The following MRPL13 variants were observed in gnomAD, a reference collection of about 807,000 sequenced individuals.
The protein encoded by MRPL13 is large ribosomal subunit protein uL13m.
MRPL13 carries 33 observed loss-of-function variants against 29.0 expected under a neutral mutation model. The observed-to-expected ratio is 1.14, with a 90% CI of 0.86 to 1.52. The LOEUF (loss-of-function observed/expected upper bound fraction) is 1.52. MRPL13 is among the 40% of genes most tolerant of loss of function. The pLI is 0.00. For missense variants in MRPL13, 227 were observed against 216.7 expected, an observed-to-expected ratio of 1.05 and a Z score of -0.30; for synonymous variants, 77 against 68.4, an observed-to-expected ratio of 1.13 and a Z score of -0.62.
At chr8:120,441,067 G>A (rs982105887) in intron 2 of MRPL13, among the ~76,000 whole-genome samples, 1 of 151,966 alleles carries the variant, frequency 6.6e-6, no homozygotes, top group Non-Finnish European at 1.5e-5. Context: ...GTTGAACAAA[G>A]AGGAGTCACA....
intron 2 of MRPL13, among the ~76,000 whole-genome samples, chr8:120,433,693 C>T (rs1275419040): frequency 6.6e-6 from 1 of 152,028 alleles, no homozygotes; most frequent in Non-Finnish European, 1.5e-5. Context: ...TTCTAAGAAG[C>T]ATTTCTCTAC....
At chr8:120,403,165 T>A (rs1002268529) in intron 6 of MRPL13, among the ~76,000 whole-genome samples, 2 of 152,162 alleles carry the variant, frequency 1.3e-5, no homozygotes, top group Non-Finnish European at 2.9e-5. Context: ...CCCAAAGGAA[T>A]ATAAATCATT....
chr8:120,427,022 C>A (rs1014802822), intron 3 of MRPL13, among the ~76,000 whole-genome samples: 2 of 151,882 alleles, frequency 1.3e-5, no homozygotes. Context: ...TTATGAAAAT[C>A]TGAACAAGAA....
At chr8:120,413,928 C>A in intron 6 of MRPL13, 63 bp downstream of exon 6, 1 of 1,416,976 alleles carries the variant, frequency 7.1e-7, no homozygotes. Context: ...CTTATTTAAT[C>A]ATATGGTTGA....
intron 3 of MRPL13, among the ~76,000 whole-genome samples, chr8:120,426,805 G>A (rs1178212073): frequency 1.3e-5 from 2 of 152,102 alleles, no homozygotes; most frequent in African/African-American, 2.4e-5. Flanking sequence ...ACTTAAATGT[G>A]TATCATGCTG....
At chr8:120,407,877 T>C (rs1398632916) in intron 6 of MRPL13, among the ~76,000 whole-genome samples, 5 of 152,198 alleles carry the variant, frequency 3.3e-5, no homozygotes, top group African/African-American at 9.6e-5. Context: ...TAATGCTTAT[T>C]CTATGAAACA....
chr8:120,396,273 A>C, intron 6 of MRPL13, 148 bp from the exon 7 acceptor site: 1 of 627,886 alleles, frequency 1.6e-6, no homozygotes, highest in South Asian at 2.1e-5. Flanking sequence ...GTGAAAAAAA[A>C]ACATTAACAT....
At chr8:120,444,931 G>T (rs1000885108) in intron 1 of MRPL13, 137 bp downstream of exon 1, 3 of 1,083,084 alleles carry the variant, frequency 2.8e-6, no homozygotes, top group East Asian at 2.5e-5. Flanking sequence ...CGACCCTCTT[G>T]TGCTTTCCCA....
At chr8:120,433,054 A>C (rs559156189) in intron 2 of MRPL13, among the ~76,000 whole-genome samples, 1 of 152,246 alleles carries the variant, frequency 6.6e-6, no homozygotes, top group South Asian at 2.1e-4. Flanking sequence ...TTCATAGTCT[A>C]TATAGGATAA....
chr8:120,439,595 A>G (rs1261198680), intron 2 of MRPL13, among the ~76,000 whole-genome samples: 1 of 152,188 alleles, frequency 6.6e-6, no homozygotes, highest in Admixed American at 6.5e-5. Flanking sequence ...AGAACAGGCT[A>G]CTCACAAAAC....
At position 120,443,517 on chromosome 8, in the gene MRPL13, A is replaced by G. The variant is rs753851496; in HGVS notation, c.28-209T>C. Among the ~76,000 whole-genome samples, 157 of 152,134 alleles carry G rather than the reference A, an allele frequency of 1.0e-3. 2 individuals are homozygous for G. The highest frequency in any genetic ancestry group is 0.01 in the Admixed American group (155 of 15,270). ...GGTTGTTTTTTCTAATCATTCTGCA[A>G]AGACAAACACAGTAATTATTCCTTC... is the stretch of plus-strand genomic sequence containing the variant. On this transcript the variant is annotated intron_variant, in intron 1 of 6. Transcript: ENST00000306185.
chr8:120,413,513 T>C (rs1812765480), intron 6 of MRPL13, among the ~76,000 whole-genome samples: 1 of 152,318 alleles, frequency 6.6e-6, no homozygotes, highest in Admixed American at 6.5e-5. Context: ...GAAAGAATGT[T>C]ACATCTTAGC....
chr8:120,441,790 A>G (rs1241062139), intron 2 of MRPL13, among the ~76,000 whole-genome samples: 5 of 152,192 alleles, frequency 3.3e-5, no homozygotes, highest in Admixed American at 6.5e-5. Flanking sequence ...ACGTGTGTCA[A>G]TGGCATTCTG....
intron 2 of MRPL13, among the ~76,000 whole-genome samples, chr8:120,435,325 G>A (rs1813041562): frequency 6.6e-6 from 1 of 152,066 alleles, no homozygotes; most frequent in African/African-American, 2.4e-5. Context: ...TAGGCAATAA[G>A]CATAGTACAC....
At chr8:120,428,702 G>C (rs1563775747) in intron 3 of MRPL13, among the ~76,000 whole-genome samples, 2 of 152,134 alleles carry the variant, frequency 1.3e-5, no homozygotes, top group South Asian at 4.2e-4. Flanking sequence ...TCCAAAAGAA[G>C]ACGTACATAT....
At chr8:120,428,916 C>T (rs142328255) in intron 3 of MRPL13, among the ~76,000 whole-genome samples, 107 of 152,178 alleles carry the variant, frequency 7.0e-4, no homozygotes, top group African/African-American at 2.3e-3. Context: ...GAGTGTTCAA[C>T]CACTGTGGAA....
chr8:120,410,231 T>A (rs926707307), intron 6 of MRPL13, among the ~76,000 whole-genome samples: 10 of 152,216 alleles, frequency 6.6e-5, no homozygotes, highest in Admixed American at 3.9e-4. Context: ...GCTATATACT[T>A]GTGGCGCAAT....
intron 6 of MRPL13, among the ~76,000 whole-genome samples, chr8:120,413,249 C>T (rs1486395708): frequency 6.6e-6 from 1 of 152,220 alleles, no homozygotes; most frequent in Non-Finnish European, 1.5e-5. Context: ...ATTTGTCCAG[C>T]ACCATGCTCA....
intron 3 of MRPL13, among the ~76,000 whole-genome samples, chr8:120,426,314 A>C (rs560852667): frequency 2.0e-5 from 3 of 152,260 alleles, no homozygotes; most frequent in South Asian, 4.1e-4. Flanking sequence ...CCCTTCAATA[A>C]AATTTGAAAA....
Sources: gnomAD v4.1 joint callset for allele counts (sites outside exome capture counted in the v4.1 genomes callset) on GRCh38, gnomAD v4.1.1 for gene constraint, MANE v1.5 for transcripts, NCBI Gene and HGNC (gene_info 2026-07-23, HGNC 2026-07-21) for gene names.